The following DYNLT1 variants were observed in gnomAD, a reference collection of about 807,000 sequenced individuals.
DYNLT1 encodes T-complex testis-specific protein 1 homolog.
DYNLT1 carries 18 observed loss-of-function variants against 19.6 expected under a neutral mutation model. The observed-to-expected ratio is 0.92, with a 90% confidence interval of 0.64 to 1.36. The LOEUF (loss-of-function observed/expected upper bound fraction) is 1.36. Among genes scored for constraint, DYNLT1 ranks in the 40% most tolerant of loss-of-function variants. DYNLT1 has a pLI of 0.00. For synonymous variants in DYNLT1, 56 were observed against 44.0 expected (o/e 1.27, Z -1.07); for missense variants, 137 against 139.3 (o/e 0.98, Z 0.08).
chr6:158,644,636 C>G lies in DYNLT1; in HGVS notation c.27+46G>C, dbSNP rs751484970. 1.2e-5 allele frequency: 20 copies of G among 1,609,234 alleles called. 1 individual carries two copies. In the South Asian group the frequency reaches 2.2e-4, roughly 18 times the overall value. ...GGCAGGACCGCGTGTCCTTCCGCGG[C>G]CAGGGCTCTAGGCCTCCACCCTTCC... On this transcript the variant is annotated intron_variant, in intron 1 of 4. Coordinates refer to ENST00000367089, the MANE Select transcript of DYNLT1 (RefSeq NM_006519.4).
At chr6:158,643,744 G>A (rs552415691) in intron 1 of DYNLT1, among the ~76,000 whole-genome samples, 127 of 152,280 alleles carry the variant, frequency 8.3e-4, no homozygotes, top group African/African-American at 2.8e-3. Context: ...GCCTCCCAAA[G>A]TGCTGGGATT....
chr6:158,640,922 A>T (rs1787122688), intron 2 of DYNLT1, among the ~76,000 whole-genome samples: 1 of 152,358 alleles, frequency 6.6e-6, no homozygotes, highest in Middle Eastern at 3.4e-3. Context: ...TAGGAATGTA[A>T]GAAAAGTAAG....
chr6:158,641,419 G>T, intron 1 of DYNLT1, 59 bp from the exon 2 acceptor site: 1 of 1,406,578 alleles, frequency 7.1e-7, no homozygotes, highest in South Asian at 1.3e-5. Context: ...CCACTACATT[G>T]ATAAATGCAA....
chr6:158,640,980 G>C (rs1562324721), intron 2 of DYNLT1, among the ~76,000 whole-genome samples: 1 of 152,196 alleles, frequency 6.6e-6, no homozygotes, highest in Non-Finnish European at 1.5e-5. Flanking sequence ...ACTGGAAATT[G>C]ATTGTTCAAT....
At chr6:158,639,133 G>A (rs952266768) in intron 2 of DYNLT1, among the ~76,000 whole-genome samples, 1 of 152,110 alleles carries the variant, frequency 6.6e-6, no homozygotes, top group Non-Finnish European at 1.5e-5. Context: ...TGATGCCTGG[G>A]GCTTAGATCT....
At chr6:158,644,485 C>G (rs938162912) in intron 1 of DYNLT1, among the ~76,000 whole-genome samples, 197 bp downstream of exon 1, 2 of 152,194 alleles carry the variant, frequency 1.3e-5, no homozygotes, top group Non-Finnish European at 2.9e-5. Flanking sequence ...CCGCCCCCCG[C>G]GCCGGGGAAA....
intron 3 of DYNLT1, 63 bp downstream of exon 3, chr6:158,637,708 A>G: frequency 1.2e-6 from 2 of 1,613,482 alleles, no homozygotes; most frequent in Middle Eastern, 3.3e-4. Context: ...CTGGTACTGG[A>G]TGCCCCTCTG....
At chr6:158,636,940 G>A in intron 4 of DYNLT1, 43 bp from the exon 5 acceptor site, 1 of 1,601,724 alleles carries the variant, frequency 6.2e-7, no homozygotes, top group Non-Finnish European at 8.5e-7. Context: ...GGGAAAGCTG[G>A]GGGACGACGT....
chr6:158,643,206 A>G (rs867218203), intron 1 of DYNLT1, among the ~76,000 whole-genome samples: 1 of 152,172 alleles, frequency 6.6e-6, no homozygotes, highest in Admixed American at 6.5e-5. Context: ...CTTTTTTAGA[A>G]GTTTTACTCG....
Position 158,637,141 on chromosome 6 carries a change from G to A in DYNLT1, c.258C>T (p.Asp86=). 1 of 1,614,218 alleles carries A rather than the reference G, an allele frequency of 6.2e-7. No individual in the cohort carries two copies. Among genetic ancestry groups the A allele is most frequent in the Non-Finnish European group, 8.5e-7 (1 of 1,180,036 alleles). Reference sequence around the variant, plus strand: ...TGAAAATCATACCGTCAGTAGAGCTGTCCCAGAAGCAGGAACTTGCTGTGT... The same window carrying A: ...TGAAAATCATACCGTCAGTAGAGCTATCCCAGAAGCAGGAACTTGCTGTGT... ...GLHTASSCFW[D]SSTDGSCTVR... The change falls in exon 4 of 5, where the codon GAC becomes GAT. Residue 86 remains aspartate (D), a synonymous_variant. Coordinates refer to ENST00000367089, the MANE Select transcript of DYNLT1 (RefSeq NM_006519.4).
At chr6:158,637,417 T>C in intron 3 of DYNLT1, 1 of 621,300 alleles carries the variant, frequency 1.6e-6, no homozygotes, top group South Asian at 2.1e-5. Context: ...AAATCAACAA[T>C]ATATGAAAAT....
Position 158,644,739 on chromosome 6 carries a change from T to C in DYNLT1, c.-31A>G. 6.2e-7 allele frequency: 1 copy of C among 1,608,218 alleles called. No homozygotes were observed. The highest frequency in any genetic ancestry group is 8.5e-7 in the Non-Finnish European group (1 of 1,179,364). ...CTCCGGCGCGTCCCCTCCGGCTCCCTGAGTGGCGCGGACTGCGCAGGCGCA... is the reference window on the plus strand; with the variant it reads ...CTCCGGCGCGTCCCCTCCGGCTCCCCGAGTGGCGCGGACTGCGCAGGCGCA... On this transcript the variant is annotated 5_prime_UTR_variant, in exon 1 of 5. Transcript: ENST00000367089.
Position 158,641,324 on chromosome 6 carries a change from T to C in DYNLT1, c.64A>G (p.Lys22Glu). 5.0e-6 allele frequency: 8 copies of C among 1,595,494 alleles called. No homozygotes were observed. The highest frequency in any genetic ancestry group is 6.8e-6 in the Non-Finnish European group (8 of 1,174,050). ...FVVDEVSNIVKEAIESAIGGN... is the reference protein window; with the variant it reads ...FVVDEVSNIVEEAIESAIGGN... The stretch of plus-strand genomic sequence containing the variant: ...GTGAGCATTTCTCCTCTTACCTCTT[T>C]TACAATGTTGCTCACTTCATCAACA... Residue 22 changes from lysine (K) to glutamate (E), a missense_variant, in exon 2 of 5, where the codon AAA becomes GAA. Lys to Glu is a moderately conservative substitution (Grantham distance 56). Transcript: ENST00000367089.
At position 158,637,772 on chromosome 6, in the gene DYNLT1, G is replaced by T. The variant is rs111276200; in HGVS notation, c.192C>A (p.Ile64=). Residue 64 remains isoleucine (I), a splice_region_variant and synonymous_variant, in exon 3 of 5, where the codon ATC becomes ATA. Transcript: ENST00000367089. ...ATAAAAGAAACAAGACTCCATTACCGATGTATTTAAATGGTTTTCCCAGCT... is the reference window on the plus strand; with the variant it reads ...ATAAAAGAAACAAGACTCCATTACCTATGTATTTAAATGGTTTTCCCAGCT... The part of the protein sequence containing the change: ...LTKLGKPFKY[I]VTCVIMQKNG... The T allele has an allele frequency of 1.2e-6, 2 of 1,614,082 alleles. No individual in the cohort carries two copies. The highest frequency in any genetic ancestry group is 2.2e-5 in the East Asian group (1 of 44,884).
intron 1 of DYNLT1, 41 bp from the exon 2 acceptor site, chr6:158,641,401 A>T (rs751340956): frequency 3.0e-5 from 46 of 1,539,446 alleles, no homozygotes; most frequent in Non-Finnish European, 3.7e-5. Context: ...TTTATTTAAA[A>T]GATATTTCCA....
chr6:158,637,888 C>A lies in DYNLT1; in HGVS notation c.76G>T (p.Glu26Ter). The change falls in exon 3 of 5, where the codon GAA becomes TAA. Residue 26 changes from glutamate (E) to a stop codon, truncating the protein, a stop_gained. Transcript: ENST00000367089. LOFTEE classifies it high-confidence loss of function. ...EVSNIVKEAI[E>*]SAIGGNAYQH... is the part of the protein sequence containing the mutation. ...TAAGCGTTACCACCAATTGCGCTTT[C>A]TATAGCCTAGAAAACAAAGCACAAA... is the stretch of plus-strand genomic sequence containing the variant. The A allele has an allele frequency of 6.2e-7, 1 of 1,602,826 alleles. No homozygotes were observed.
In DYNLT1 at chr6:158,641,318, C is replaced by G; in HGVS notation, c.69+1G>C. 6.3e-7 allele frequency: 1 copy of G among 1,593,182 alleles called. No homozygotes were observed. Among genetic ancestry groups the G allele is most frequent in the South Asian group, 1.2e-5 (1 of 86,546 alleles). Reference sequence around the variant, plus strand: ...TAAGAAGTGAGCATTTCTCCTCTTACCTCTTTTACAATGTTGCTCACTTCA... The same window carrying G: ...TAAGAAGTGAGCATTTCTCCTCTTAGCTCTTTTACAATGTTGCTCACTTCA... On this transcript the variant is annotated splice_donor_variant, in intron 2 of 4. Transcript: ENST00000367089. LOFTEE classifies it high-confidence loss of function.
chr6:158,644,695 T>A lies in DYNLT1; in HGVS notation c.14A>T (p.Gln5Leu), dbSNP rs761660560. Residue 5 changes from glutamine (Q) to leucine (L), a missense_variant, in exon 1 of 5, where the codon CAG becomes CTG. Coordinates refer to ENST00000367089, the MANE Select transcript of DYNLT1 (RefSeq NM_006519.4). Reference sequence around the variant, plus strand: ...CCCGGCGGTTACCTCCTCCGCAGCCTGGTAGTCTTCCATCTTTCCTCCGGC... The same window carrying A: ...CCCGGCGGTTACCTCCTCCGCAGCCAGGTAGTCTTCCATCTTTCCTCCGGC... MEDYQAAEETAFVVD... is the reference protein window; with the variant it reads MEDYLAAEETAFVVD... 1.2e-6 allele frequency: 2 copies of A among 1,611,920 alleles called. No individual in the cohort carries two copies. The highest frequency in any genetic ancestry group is 1.7e-6 in the Non-Finnish European group (2 of 1,179,706).
Position 158,641,361 on chromosome 6 carries a change from CTG to C in DYNLT1, c.28-3_28-2del, listed in dbSNP as rs1156542957. ...TCACTTCATCAACAACAAAAGCAGT[CTG>C]TAAGGAAGAACATTCAGTTAAGTTT... On this transcript the variant is annotated splice_acceptor_variant and splice_polypyrimidine_tract_variant and intron_variant, in intron 1 of 4. Coordinates refer to ENST00000367089, the MANE Select transcript of DYNLT1 (RefSeq NM_006519.4). LOFTEE classifies it high-confidence loss of function. The C allele has an allele frequency of 6.3e-7, 1 of 1,592,972 alleles. No individual in the cohort carries two copies. The highest frequency in any genetic ancestry group is 1.4e-5 in the African/African-American group (1 of 73,820).
Sources: allele counts gnomAD v4.1 joint callset (sites outside exome capture counted in the v4.1 genomes callset), GRCh38; gene constraint gnomAD v4.1.1; transcripts MANE v1.5; gene names NCBI Gene and HGNC (gene_info 2026-07-23, HGNC 2026-07-21).